PIM3: variants seen among roughly 807,000 people sequenced by gnomAD.
PIM3 encodes the protein serine/threonine-protein kinase pim-3.
A neutral mutation model predicts 27.5 loss-of-function variants in PIM3; 13 were observed. The ratio of observed to expected loss-of-function variants is 0.47; its 90% confidence interval spans 0.31 to 0.75. The LOEUF (loss-of-function observed/expected upper bound fraction) is 0.75. Among genes scored for constraint, PIM3 ranks in the 30% least tolerant of loss-of-function variants. The probability of loss-of-function intolerance (pLI) is 0.05; values close to 1 mark genes in which losing one functional copy is unlikely to be tolerated. For missense variants in PIM3, 482 were observed against 476.9 expected (o/e 1.01, Z -0.10); for synonymous variants, 341 against 221.1 (o/e 1.54, Z -4.81).
chr22:49,962,098 G>A (rs942059877), intron 4 of PIM3, among the ~76,000 whole-genome samples: 6 of 152,050 alleles, frequency 3.9e-5, no homozygotes, highest in African/African-American at 4.8e-5. Context: ...ACATCCTTCC[G>A]GCCCGAGAGA....
chr22:49,963,417 C>CT lies in PIM3; in HGVS notation c.*291dup. On this transcript the variant is annotated 3_prime_UTR_variant, in exon 6 of 6. Transcript: ENST00000360612. ...CTGTGTCCGGAGGCGGCCTTCCCAT[C>CT]TGCCTGCCCACCCGGAGCTCTTTCC... 1 of 334,756 alleles carries CT rather than the reference C, an allele frequency of 3.0e-6. No individual in the cohort carries two copies. Among genetic ancestry groups the CT allele is most frequent in the Non-Finnish European group, 5.5e-6 (1 of 180,370 alleles). 20.7% of individuals were successfully genotyped at this position (334,756 alleles called of 1,614,324 possible).
Position 49,961,036 on chromosome 22 carries a change from C to T in PIM3, c.85+4C>T. On this transcript the variant is annotated splice_donor_region_variant and intron_variant, in intron 1 of 5. Transcript: ENST00000360612. ...CCGGTGAAGATCCTGCAGCCAGGTA[C>T]GCGCGGGGCCGGCGGGGCCGGGGCC... 1.5e-6 allele frequency: 2 copies of T among 1,359,646 alleles called. No homozygotes were observed. The highest frequency in any genetic ancestry group is 1.6e-5 in the South Asian group (1 of 61,874). 84.2% of individuals were successfully genotyped at this position (1,359,646 alleles called of 1,614,324 possible). A position where few individuals can be genotyped will look rare whatever the true frequency, so the allele number is the denominator to read the frequency against.
At position 49,962,836 on chromosome 22, in the gene PIM3, G is replaced by T. The variant is rs1399009578; in HGVS notation, c.764G>T (p.Arg255Leu). 5 of 1,610,806 alleles carry T rather than the reference G, an allele frequency of 3.1e-6. No individual in the cohort carries two copies. Among genetic ancestry groups the T allele is most frequent in the South Asian group, 2.2e-5 (2 of 91,054 alleles). Reference protein sequence around the residue: ...FEQDEEILRGRLLFRRRVSPE... With the variant: ...FEQDEEILRGLLLFRRRVSPE... ...CAGGACGAGGAGATCCTCCGAGGCC[G>T]CCTGCTCTTCCGGAGGAGGGTCTCT... The change falls in exon 5 of 6, where the codon CGC becomes CTC. Residue 255 changes from arginine (R) to leucine (L), a missense_variant. Arg to Leu is a moderately radical substitution (Grantham distance 102, BLOSUM62 -2). Transcript: ENST00000360612.
At position 49,960,845 on chromosome 22, in the gene PIM3, C is replaced by G; in HGVS notation, c.-103C>G. On this transcript the variant is annotated 5_prime_UTR_variant, in exon 1 of 6. Transcript: ENST00000360612. ...TCCGGGCCCACTGCGCCGCGCGGAC[C>G]GCCTCGGGCTCGGACGGCCGGTGTC... The G allele has an allele frequency of 1.2e-6, 1 of 855,334 alleles. No individual in the cohort carries two copies. The highest frequency in any genetic ancestry group is 1.4e-6 in the Non-Finnish European group (1 of 690,032). The allele number at this position is 855,334 out of a possible 1,614,324, so 53.0% of individuals were successfully genotyped here.
Position 49,960,972 on chromosome 22 carries a change from C to A in PIM3, c.25C>A (p.Leu9Met). 1 of 1,389,874 alleles carries A rather than the reference C, an allele frequency of 7.2e-7. No homozygotes were observed. The highest frequency in any genetic ancestry group is 9.4e-7 in the Non-Finnish European group (1 of 1,062,934). The allele number at this position is 1,389,874 out of a possible 1,614,324, so 86.1% of individuals were successfully genotyped here. A position where few individuals can be genotyped will look rare whatever the true frequency, so the allele number is the denominator to read the frequency against. The change falls in exon 1 of 6, where the codon CTG becomes ATG. Residue 9 changes from leucine to methionine, a missense_variant. Transcript: ENST00000360612. MLLSKFGS[L>M]AHLCGPGGVD... ...GATGCTGCTCTCCAAGTTCGGCTCC[C>A]TGGCGCACCTCTGCGGGCCCGGCGG...
Position 49,962,749 on chromosome 22 carries a change from C to T in PIM3, c.677C>T (p.Ala226Val), listed in dbSNP as rs759414044. The change falls in exon 5 of 6, where the codon GCC becomes GTC. Residue 226 changes from alanine to valine, a missense_variant. By Grantham distance (64) the Ala-to-Val change is moderately conservative. Coordinates refer to ENST00000360612, the MANE Select transcript of PIM3 (RefSeq NM_001001852.4). ...IRYHRYHGRS[A>V]TVWSLGVLLY... is the part of the protein sequence containing the mutation. ...TACCACCGCTACCACGGGCGCTCGG[C>T]CACCGTGTGGTCGCTGGGCGTGCTT... 1.2e-6 allele frequency: 2 copies of T among 1,612,812 alleles called. No individual in the cohort carries two copies. The highest frequency in any genetic ancestry group is 1.7e-6 in the Non-Finnish European group (2 of 1,179,966).
chr22:49,964,018 T>C lies in PIM3; in HGVS notation c.*891T>C, dbSNP rs2060924240. ...GTTCTTTCAGTTCAAAAGTGAGATG[T>C]CTGGAGATCATATTTTTTTATACAG... is the stretch of plus-strand genomic sequence containing the variant. On this transcript the variant is annotated 3_prime_UTR_variant, in exon 6 of 6. Transcript: ENST00000360612. 6.6e-6 allele frequency: 1 copy of C among 152,396 alleles called. No individual in the cohort carries two copies. The highest frequency in any genetic ancestry group is 1.5e-5 in the Non-Finnish European group (1 of 68,056). The allele number at this position is 152,396 out of a possible 1,614,324, so 9.4% of individuals were successfully genotyped here.
Position 49,961,581 on chromosome 22 carries a change from C to G in PIM3, c.386C>G (p.Ala129Gly), listed in dbSNP as rs2060907562. Residue 129 changes from alanine (A) to glycine (G), a missense_variant, in exon 4 of 6, where the codon GCG becomes GGG. Ala to Gly is a moderately conservative substitution (Grantham distance 60). Coordinates refer to ENST00000360612, the MANE Select transcript of PIM3 (RefSeq NM_001001852.4). ...FLLVLERPEP[A>G]QDLFDFITER... ...CTGGTGCTGGAGCGGCCCGAGCCGG[C>G]GCAGGACCTCTTCGACTTTATCACG... 6.5e-7 allele frequency: 1 copy of G among 1,547,550 alleles called. No homozygotes were observed. Among genetic ancestry groups the G allele is most frequent in the Non-Finnish European group, 8.7e-7 (1 of 1,146,754 alleles).
rs775149860 is a variant in PIM3, at chr22:49,961,737, G to T, written c.542G>T (p.Arg181Leu). 4 of 1,611,300 alleles carry T rather than the reference G, an allele frequency of 2.5e-6. No homozygotes were observed. The highest frequency in any genetic ancestry group is 3.4e-6 in the Non-Finnish European group (4 of 1,179,312). Residue 181 changes from arginine (R) to leucine (L), a missense_variant, in exon 4 of 6, where the codon CGC (arginine) becomes CTC (leucine). Physicochemically the swap from Arg to Leu is moderately radical, Grantham distance 102. Coordinates refer to ENST00000360612, the MANE Select transcript of PIM3 (RefSeq NM_001001852.4). ...IKDENLLVDL[R>L]SGELKLIDFG... is the part of the protein sequence containing the mutation. The stretch of plus-strand genomic sequence containing the variant: ...GACGAAAATCTGCTTGTGGACCTGC[G>T]CTCCGGAGAGCTCAAGCTCATCGAC...
In PIM3 at chr22:49,961,750, C is replaced by A; in HGVS notation, c.555C>A (p.Leu185=). ...NLLVDLRSGE[L]KLIDFGSGAL... is the part of the protein sequence containing the mutation. ...TTGTGGACCTGCGCTCCGGAGAGCT[C>A]AAGCTCATCGACTTCGGTTCGGGTG... Residue 185 remains leucine, a synonymous_variant, in exon 4 of 6, where the codon CTC becomes CTA. Coordinates refer to ENST00000360612, the MANE Select transcript of PIM3 (RefSeq NM_001001852.4). 6.2e-7 allele frequency: 1 copy of A among 1,611,796 alleles called. No individual in the cohort carries two copies. The highest frequency in any genetic ancestry group is 8.5e-7 in the Non-Finnish European group (1 of 1,179,494).
chr22:49,961,300 AC>A lies in PIM3; in HGVS notation c.196-13del. Reference sequence around the variant, plus strand: ...CTTGCGCCTCGCTTGGCCCGGCCTGACCCCCGCGTCTCCGCAGGTGGCTGTG... The same window carrying A: ...CTTGCGCCTCGCTTGGCCCGGCCTGACCCCGCGTCTCCGCAGGTGGCTGTG... On this transcript the variant is annotated splice_polypyrimidine_tract_variant and intron_variant, in intron 2 of 5. Transcript: ENST00000360612. The A allele has an allele frequency of 1.3e-6, 2 of 1,543,098 alleles. No homozygotes were observed. The highest frequency in any genetic ancestry group is 1.7e-6 in the Non-Finnish European group (2 of 1,149,810).
rs1339989225 is a variant in PIM3, at chr22:49,963,217, T to C, written c.*90T>C. 9 of 1,374,692 alleles carry C rather than the reference T, an allele frequency of 6.5e-6. No homozygotes were observed. Among genetic ancestry groups the C allele is most frequent in the Non-Finnish European group, 8.7e-6 (9 of 1,039,260 alleles). 85.2% of individuals were successfully genotyped at this position (1,374,692 alleles called of 1,614,324 possible). A position where few individuals can be genotyped will look rare whatever the true frequency, so the allele number is the denominator to read the frequency against. ...CCCTGACTTTCTCCTGCGTGGGCCG[T>C]CTCCTCCTGCGGAAGCAGTGACCTC... On this transcript the variant is annotated 3_prime_UTR_variant, in exon 6 of 6. Transcript: ENST00000360612.
Position 49,962,817 on chromosome 22 carries a change from G to A in PIM3, c.745G>A (p.Glu249Lys), listed in dbSNP as rs148936816. 1.9e-6 allele frequency: 3 copies of A among 1,612,160 alleles called. No homozygotes were observed. Among genetic ancestry groups the A allele is most frequent in the Admixed American group, 3.3e-5 (2 of 60,012 alleles). ...VCGDIPFEQDEEILRGRLLFR... is the reference protein window; with the variant it reads ...VCGDIPFEQDKEILRGRLLFR... ...TGGGGACATCCCCTTCGAGCAGGAC[G>A]AGGAGATCCTCCGAGGCCGCCTGCT... The change falls in exon 5 of 6, where the codon GAG becomes AAG. Residue 249 changes from glutamate to lysine, a missense_variant. Transcript: ENST00000360612.
intron 4 of PIM3, among the ~76,000 whole-genome samples, chr22:49,962,241 G>A (rs1431679005): frequency 5.9e-5 from 9 of 151,358 alleles, no homozygotes. Flanking sequence ...GTGGGGGCGG[G>A]AGCTGCGTGC....
chr22:49,963,215 C>T lies in PIM3; in HGVS notation c.*88C>T, dbSNP rs958304989. ...GACCCTGACTTTCTCCTGCGTGGGC[C>T]GTCTCCTCCTGCGGAAGCAGTGACC... On this transcript the variant is annotated 3_prime_UTR_variant, in exon 6 of 6. Coordinates refer to ENST00000360612, the MANE Select transcript of PIM3 (RefSeq NM_001001852.4). 1.3e-5 allele frequency: 18 copies of T among 1,378,584 alleles called. No individual in the cohort carries two copies. In the Admixed American group the frequency reaches 1.4e-4, roughly 11 times the overall value. 85.4% of individuals were successfully genotyped at this position (1,378,584 alleles called of 1,614,324 possible). A position where few individuals can be genotyped will look rare whatever the true frequency, so the allele number is the denominator to read the frequency against.
Position 49,963,184 on chromosome 22 carries a change from C to A in PIM3, c.*57C>A. The A allele has an allele frequency of 1.4e-6, 2 of 1,455,552 alleles. No individual in the cohort carries two copies. Among genetic ancestry groups the A allele is most frequent in the Non-Finnish European group, 1.8e-6 (2 of 1,097,454 alleles). The allele number at this position is 1,455,552 out of a possible 1,614,324, so 90.2% of individuals were successfully genotyped here. On this transcript the variant is annotated 3_prime_UTR_variant, in exon 6 of 6. Transcript: ENST00000360612. The stretch of plus-strand genomic sequence containing the variant: ...ACCTGCCTTGGCCAGACCTGGGACG[C>A]CCCCAGACCCTGACTTTCTCCTGCG...
Position 49,961,254 on chromosome 22 carries a change from G to T in PIM3, c.195+20G>T, listed in dbSNP as rs751681323. 4 of 1,535,058 alleles carry T rather than the reference G, an allele frequency of 2.6e-6. No individual in the cohort carries two copies. The highest frequency in any genetic ancestry group is 2.4e-5 in the South Asian group (2 of 82,736). On this transcript the variant is annotated intron_variant, in intron 2 of 5. Coordinates refer to ENST00000360612, the MANE Select transcript of PIM3 (RefSeq NM_001001852.4). ...CTCCCGGTGAGTCGGACCGCCGGGC[G>T]GGCCCGGGTTTCTCGCGCGCCTTGC...
rs569252895 is a variant in PIM3 at position 49,963,996 on chromosome 22, C to T, written c.*869C>T. On this transcript the variant is annotated 3_prime_UTR_variant, in exon 6 of 6. Transcript: ENST00000360612. ...TGTGCAGGCATCGCAGATGGGGGTT[C>T]TTTCAGTTCAAAAGTGAGATGTCTG... 2 of 152,428 alleles carry T rather than the reference C, an allele frequency of 1.3e-5. No individual in the cohort carries two copies. Among genetic ancestry groups the T allele is most frequent in the South Asian group, 2.1e-4 (1 of 4,834 alleles). 9.4% of individuals were successfully genotyped at this position (152,428 alleles called of 1,614,324 possible). A position where few individuals can be genotyped will look rare whatever the true frequency, so the allele number is the denominator to read the frequency against.
rs1333103108 is a variant in PIM3, at chr22:49,961,876, G to A, written c.616+65G>A. On this transcript the variant is annotated intron_variant, in intron 4 of 5. Coordinates refer to ENST00000360612, the MANE Select transcript of PIM3 (RefSeq NM_001001852.4). ...TGCCGGCGGGTTAACGCCTGCAGGG[G>A]CGGCACATGGAGGGGCTGATGACTG... 3 of 1,585,212 alleles carry A rather than the reference G, an allele frequency of 1.9e-6. No individual in the cohort carries two copies. The East Asian group carries it at 6.9e-5, about 36-fold the overall frequency.
Sources: allele counts gnomAD v4.1 joint callset (sites outside exome capture counted in the v4.1 genomes callset), GRCh38; gene constraint gnomAD v4.1.1; transcripts MANE v1.5; gene names NCBI Gene and HGNC (gene_info 2026-07-23, HGNC 2026-07-21).